The following ERP44 variants were observed in gnomAD, a reference collection of about 807,000 sequenced individuals.
ERP44 encodes the protein endoplasmic reticulum resident protein 44.
Under a neutral mutation model 53.4 loss-of-function variants are expected in ERP44, and 25 were observed. The observed-to-expected ratio is 0.47, with a 90% confidence interval of 0.34 to 0.65. The LOEUF (loss-of-function observed/expected upper bound fraction) is 0.65, where lower values mean the gene tolerates loss of function less well. Ranked by LOEUF, ERP44 falls within the 30% of genes least tolerant of loss-of-function variation. The pLI is 0.01. For synonymous variants in ERP44, 145 were observed against 161.2 expected (o/e 0.90, Z 0.76); for missense variants, 338 against 493.2 (o/e 0.69, Z 2.98).
chr9:100,089,009 A>C (rs1181056806), intron 1 of ERP44, among the ~76,000 whole-genome samples: 1 of 152,230 alleles, frequency 6.6e-6, no homozygotes, highest in Non-Finnish European at 1.5e-5. Context: ...TTATCCAACC[A>C]TGATCTGAAA....
At chr9:100,094,088 C>T (rs1330306024) in intron 1 of ERP44, among the ~76,000 whole-genome samples, 5 of 152,154 alleles carry the variant, frequency 3.3e-5, no homozygotes, top group Non-Finnish European at 7.3e-5. Flanking sequence ...CTATTGTTTG[C>T]AGAGCTATCT....
Position 99,992,621 on chromosome 9 carries a change from C to T in ERP44, c.1017-7552G>A, listed in dbSNP as rs1830267932. Among the ~76,000 whole-genome samples, 4 of 152,190 alleles carry T rather than the reference C, an allele frequency of 2.6e-5. No homozygotes were observed. The South Asian group carries it at 8.3e-4, about 31-fold the overall frequency. On this transcript the variant is annotated intron_variant, in intron 10 of 11. Transcript: ENST00000262455. ...AAAACTGGCACAAGACAGGGATGCC[C>T]TCTCTCACCACTCCTATTCAACATA...
chr9:100,082,888 C>T (rs1377845448), intron 1 of ERP44, among the ~76,000 whole-genome samples: 1 of 151,930 alleles, frequency 6.6e-6, no homozygotes, highest in Non-Finnish European at 1.5e-5. Context: ...TAAAGATTTA[C>T]ATATTTCCAA....
chr9:100,066,184 TC>T (rs1471854137), intron 1 of ERP44, among the ~76,000 whole-genome samples: 1 of 152,248 alleles, frequency 6.6e-6, no homozygotes, highest in African/African-American at 2.4e-5. Context: ...CATTTTAAAC[TC>T]TGTACAATGT....
intron 1 of ERP44, among the ~76,000 whole-genome samples, chr9:100,089,822 G>C (rs1197555903): frequency 6.6e-6 from 1 of 152,092 alleles, no homozygotes; most frequent in Non-Finnish European, 1.5e-5. Context: ...TCATAGGTAT[G>C]TATGTATAAG....
chr9:100,007,809 GA>G (rs1227781885), intron 8 of ERP44, 120 bp from the exon 9 acceptor site: 108 of 657,072 alleles, frequency 1.6e-4, no homozygotes, highest in Middle Eastern at 2.6e-4. Flanking sequence ...TATCCCGGGG[GA>G]AAAAAAAGGC....
At chr9:100,014,575 C>T (rs1830510729) in intron 8 of ERP44, among the ~76,000 whole-genome samples, 1 of 152,186 alleles carries the variant, frequency 6.6e-6, no homozygotes, top group African/African-American at 2.4e-5. Flanking sequence ...AGGCGTGAGC[C>T]ATGGCACAAG....
At chr9:100,081,276 C>T (rs1284605478) in intron 1 of ERP44, among the ~76,000 whole-genome samples, 1 of 151,696 alleles carries the variant, frequency 6.6e-6, no homozygotes, top group African/African-American at 2.4e-5. Flanking sequence ...TGGGGGATAC[C>T]CATCTTTAGT....
intron 1 of ERP44, among the ~76,000 whole-genome samples, chr9:100,097,679 T>A (rs185474819): frequency 4.3e-4 from 65 of 152,366 alleles, no homozygotes; most frequent in African/African-American, 1.4e-3. Flanking sequence ...TTTTTTACAG[T>A]GCTTTTTCCG....
At chr9:100,082,503 A>G (rs141125038) in intron 1 of ERP44, among the ~76,000 whole-genome samples, 1 of 152,144 alleles carries the variant, frequency 6.6e-6, no homozygotes, top group East Asian at 1.9e-4. Flanking sequence ...ACTTCAATAA[A>G]CTGGTTTGGA....
chr9:100,088,838 C>T (rs1459180711), intron 1 of ERP44, among the ~76,000 whole-genome samples: 1 of 152,054 alleles, frequency 6.6e-6, no homozygotes, highest in Admixed American at 6.6e-5. Flanking sequence ...TCTCTTTAGT[C>T]TATATATATT....
intron 4 of ERP44, among the ~76,000 whole-genome samples, chr9:100,037,859 T>C (rs544479149): frequency 6.6e-6 from 1 of 152,116 alleles, no homozygotes; most frequent in African/African-American, 2.4e-5. Flanking sequence ...AGAAATAACA[T>C]AAAATGGAAC....
intron 10 of ERP44, among the ~76,000 whole-genome samples, chr9:99,997,829 C>T (rs547686983): frequency 3.1e-4 from 47 of 152,214 alleles, no homozygotes; most frequent in Non-Finnish European, 5.9e-4. Flanking sequence ...GGCTGACTCA[C>T]AAAGGTTGTA....
At chr9:100,091,266 C>G (rs2118761237) in intron 1 of ERP44, among the ~76,000 whole-genome samples, 1 of 152,264 alleles carries the variant, frequency 6.6e-6, no homozygotes, top group East Asian at 1.9e-4. Flanking sequence ...ACCAAGGATT[C>G]CCAAAGCAGT....
In ERP44 at chr9:99,991,356, A is replaced by G. The variant is rs547608992; in HGVS notation, c.1017-6287T>C. On this transcript the variant is annotated intron_variant, in intron 10 of 11. Coordinates refer to ENST00000262455, the MANE Select transcript of ERP44 (RefSeq NM_015051.3). ...GCAATTAAATTAGAACTCAGGATTA[A>G]GAAATTCACTCAAAACCACACAACT... is the stretch of plus-strand genomic sequence containing the variant. Among the ~76,000 whole-genome samples the G allele has an allele frequency of 2.6e-5, 4 of 152,356 alleles. No homozygotes were observed. In the East Asian group the frequency reaches 5.8e-4, roughly 22 times the overall value.
chr9:100,055,924 T>C (rs1564099333), intron 3 of ERP44, among the ~76,000 whole-genome samples: 1 of 152,184 alleles, frequency 6.6e-6, no homozygotes, highest in Non-Finnish European at 1.5e-5. Context: ...TGAGGCCACA[T>C]AGTATTAAGT....
chr9:100,056,344 C>T (rs779689085), intron 3 of ERP44, among the ~76,000 whole-genome samples: 1 of 152,190 alleles, frequency 6.6e-6, no homozygotes, highest in African/African-American at 2.4e-5. Flanking sequence ...CTCTGTGTAT[C>T]TTCAACTTTT....
intron 4 of ERP44, among the ~76,000 whole-genome samples, chr9:100,037,598 A>AG (rs1399736765): frequency 6.6e-6 from 1 of 152,080 alleles, no homozygotes; most frequent in African/African-American, 2.4e-5. Context: ...CCTTCTGCTC[A>AG]AGGAGAGGAG....
chr9:100,093,106 T>A (rs1230569289), intron 1 of ERP44, among the ~76,000 whole-genome samples: 2 of 152,204 alleles, frequency 1.3e-5, no homozygotes, highest in Non-Finnish European at 2.9e-5. Flanking sequence ...AACCAAAATG[T>A]CTTAACAAAT....
Sources: allele counts gnomAD v4.1 joint callset (sites outside exome capture counted in the v4.1 genomes callset), GRCh38; gene constraint gnomAD v4.1.1; transcripts MANE v1.5; gene names NCBI Gene and HGNC (gene_info 2026-07-23, HGNC 2026-07-21).